Variants in KIF7 observed in about 807,000 individuals in gnomAD.
KIF7 encodes the protein kinesin-like protein KIF7.
A neutral mutation model predicts 135.7 loss-of-function variants in KIF7; 104 were observed. That is an observed-to-expected ratio of 0.77 (90% CI 0.65 to 0.90). The LOEUF (loss-of-function observed/expected upper bound fraction) is 0.90, where lower values mean the gene tolerates loss of function less well. Ranked by LOEUF, KIF7 falls within the 40% of genes least tolerant of loss-of-function variation. The probability of loss-of-function intolerance (pLI) is 0.00; values close to 1 mark genes in which losing one functional copy is unlikely to be tolerated. For synonymous variants in KIF7, 883 were observed against 809.4 expected, an observed-to-expected ratio of 1.09 and a Z score of -1.54; for missense variants, 2,005 against 1,839.1, an observed-to-expected ratio of 1.09 and a Z score of -1.65.
chr15:89,630,791 G>A (rs184102834), intron 15 of KIF7: 65 of 496,824 alleles, frequency 1.3e-4, no homozygotes, highest in Middle Eastern at 5.6e-4. Context: ...GGACAGCCAC[G>A]GAGGCACCAC....
chr15:89,631,396 A>C lies in KIF7; in HGVS notation c.3111+99T>G, dbSNP rs1427154674. On this transcript the variant is annotated intron_variant, in intron 15 of 18. Transcript: ENST00000394412. The stretch of plus-strand genomic sequence containing the variant: ...TGAAAACTTGGGTCTGCCGACAGCA[A>C]GGCCCAGCACCCGCAGAGGGCTGGA... 3.6e-6 allele frequency: 4 copies of C among 1,120,662 alleles called. No homozygotes were observed. The African/African-American group carries it at 6.2e-5, about 17-fold the overall frequency. 69.4% of individuals were successfully genotyped at this position (1,120,662 alleles called of 1,614,324 possible).
Position 89,645,074 on chromosome 15 carries a change from G to T in KIF7, c.2130C>A (p.Ile710=). 1 of 1,605,360 alleles carries T rather than the reference G, an allele frequency of 6.2e-7. No individual in the cohort carries two copies. The highest frequency in any genetic ancestry group is 8.5e-7 in the Non-Finnish European group (1 of 1,179,976). ...EWRLAQAQQK[I]RELAINIRMK... is the part of the protein sequence containing the mutation. ...TGCGGATGTTGATAGCCAGCTCCCGGATCTTCTGCTGGGCCTGGGCCAGCC... is the reference window on the plus strand; with the variant it reads ...TGCGGATGTTGATAGCCAGCTCCCGTATCTTCTGCTGGGCCTGGGCCAGCC... The change falls in exon 10 of 19, where the codon ATC becomes ATA. Residue 710 remains isoleucine (I), a synonymous_variant. Transcript: ENST00000394412.
rs1376314543 is a variant in KIF7 at position 89,645,367 on chromosome 15, C to G, written c.2007G>C (p.Glu669Asp). The G allele has an allele frequency of 3.1e-6, 5 of 1,614,130 alleles. No individual in the cohort carries two copies. Among genetic ancestry groups the G allele is most frequent in the Non-Finnish European group, 4.2e-6 (5 of 1,179,976 alleles). Residue 669 changes from glutamate to aspartate, a missense_variant, in exon 9 of 19, where the codon GAG (glutamate) becomes GAC (aspartate). Transcript: ENST00000394412. The part of the protein sequence containing the change: ...PERKGPELCL[E>D]ELDAAIPGSR... ...ACCCTGGAATGGCTGCATCCAACTC[C>G]TCAAGGCAAAGCTCTGGGCCCTTCC... is the stretch of plus-strand genomic sequence containing the variant.
chr15:89,649,296 C>G lies in KIF7; in HGVS notation c.601G>C (p.Ala201Pro). The change falls in exon 4 of 19, where the codon GCG becomes CCG. Residue 201 changes from alanine (A) to proline (P), a missense_variant. Physicochemically the swap from Ala to Pro is conservative, Grantham distance 27. Coordinates refer to ENST00000394412, the MANE Select transcript of KIF7 (RefSeq NM_198525.3). Reference protein sequence around the residue: ...EVLSLLEMGNAARHTGATHLN... With the variant: ...EVLSLLEMGNPARHTGATHLN... The stretch of plus-strand genomic sequence containing the variant: ...TGCGTGGCTCCCGTGTGCCGCGCCG[C>G]GTTGCCCATCTCCAGGAGGCTCAGC... 6.7e-7 allele frequency: 1 copy of G among 1,495,558 alleles called. No homozygotes were observed. Among genetic ancestry groups the G allele is most frequent in the South Asian group, 1.3e-5 (1 of 75,596 alleles). The allele number at this position is 1,495,558 out of a possible 1,614,324, so 92.6% of individuals were successfully genotyped here.
rs1401186589 is a variant in KIF7 at position 89,647,000 on chromosome 15, G to A, written c.1618C>T (p.Leu540=). The change falls in exon 7 of 19, where the codon CTG becomes TTG. Residue 540 remains leucine, a synonymous_variant. Coordinates refer to ENST00000394412, the MANE Select transcript of KIF7 (RefSeq NM_198525.3). ...GGGCCCCCCCAGCCTGGCCGCACCA[G>A]CTCTAACCGCAGCCGCAGTTCCACC... ...EMVELRLRLE[L]VRPGWGGPRL... is the part of the protein sequence containing the mutation. 20 of 1,612,458 alleles carry A rather than the reference G, an allele frequency of 1.2e-5. No homozygotes were observed. Among genetic ancestry groups the A allele is most frequent in the South Asian group, 2.2e-5 (2 of 90,978 alleles).
intron 16 of KIF7, chr15:89,630,000 A>T: frequency 1.8e-6 from 1 of 543,262 alleles, no homozygotes; most frequent in Non-Finnish European, 3.3e-6. Context: ...AGCCATGGCC[A>T]AATGTCACAA....
chr15:89,631,388 C>G, intron 15 of KIF7, 107 bp downstream of exon 15: 1 of 1,056,478 alleles, frequency 9.5e-7, no homozygotes, highest in South Asian at 1.6e-5. Flanking sequence ...TTGGGTCTGC[C>G]GACAGCAAGG....
intron 1 of KIF7, chr15:89,619,621 T>C (rs1963391499): frequency 1.4e-6 from 2 of 1,425,030 alleles, no homozygotes; most frequent in South Asian, 2.7e-5. Context: ...TGTGGTACTA[T>C]GTAAATTTTG....
chr15:89,640,591 T>C (rs79232057), intron 11 of KIF7, among the ~76,000 whole-genome samples: 3 of 151,792 alleles, frequency 2.0e-5, no homozygotes, highest in Admixed American at 1.3e-4. Flanking sequence ...TCTTGGACAT[T>C]TGAACTGAGA....
intron 1 of KIF7, among the ~76,000 whole-genome samples, chr15:89,655,160 A>G (rs966606340): frequency 2.0e-5 from 3 of 152,126 alleles, no homozygotes; most frequent in Non-Finnish European, 4.4e-5. Context: ...TCGCCCCTCC[A>G]CGCAGGCCCG....
chr15:89,636,876 A>G (rs1200012062), intron 11 of KIF7, among the ~76,000 whole-genome samples: 4 of 149,876 alleles, frequency 2.7e-5, no homozygotes, highest in Non-Finnish European at 5.9e-5. Flanking sequence ...CAGAATATAT[A>G]TTTTTTTCAG....
Position 89,633,683 on chromosome 15 carries a change from G to A in KIF7, c.2592+3C>T. Reference sequence around the variant, plus strand: ...AAGGTCCCCACCCTGCCGTGAGCCTGACCTTGACGCGGTGCTGCCGCTTGC... The same window carrying A: ...AAGGTCCCCACCCTGCCGTGAGCCTAACCTTGACGCGGTGCTGCCGCTTGC... On this transcript the variant is annotated splice_donor_region_variant and intron_variant, in intron 12 of 18. Coordinates refer to ENST00000394412, the MANE Select transcript of KIF7 (RefSeq NM_198525.3). 1 of 1,606,476 alleles carries A rather than the reference G, an allele frequency of 6.2e-7. No homozygotes were observed. The highest frequency in any genetic ancestry group is 8.5e-7 in the Non-Finnish European group (1 of 1,179,738).
intron 14 of KIF7, 50 bp from the exon 15 acceptor site, chr15:89,631,760 C>T (rs1433507533): frequency 1.7e-5 from 25 of 1,468,098 alleles, no homozygotes; most frequent in Non-Finnish European, 2.3e-5. Context: ...ACTGTCCTCA[C>T]AGGGGGGACA....
At chr15:89,646,740 G>T in intron 7 of KIF7, 90 bp downstream of exon 7, 1 of 1,155,942 alleles carries the variant, frequency 8.7e-7, no homozygotes, top group Non-Finnish European at 1.3e-6. Context: ...AGCATGAGTG[G>T]GGGACACGTG....
At chr15:89,631,430 TGAGGA>T in intron 15 of KIF7, 60 bp downstream of exon 15, 1 of 1,404,516 alleles carries the variant, frequency 7.1e-7, no homozygotes, top group Non-Finnish European at 9.7e-7. Context: ...GAGCAAGGGC[TGAGGA>T]GAGCAGACAG....
intron 10 of KIF7, 86 bp downstream of exon 10, chr15:89,644,927 A>G (rs1229188744): frequency 1.3e-6 from 2 of 1,552,798 alleles, no homozygotes; most frequent in African/African-American, 1.3e-5. Flanking sequence ...TAACCACCTC[A>G]TTGTTGAAAT....
chr15:89,651,884 A>G (rs557644643), intron 2 of KIF7, among the ~76,000 whole-genome samples: 14 of 152,222 alleles, frequency 9.2e-5, no homozygotes, highest in Non-Finnish European at 2.1e-4. Context: ...TATAAAAGAG[A>G]GCTGAGAGAG....
Position 89,621,747 on chromosome 15 carries a change from C to T in KIF7, c.181-3552G>A, listed in dbSNP as rs527963104. ...CAAGCAGCAGGTTTGACTGAAGCCA[C>T]GGTGGGGGCGGTGGAGGAGGAGATA... is the stretch of plus-strand genomic sequence containing the variant. On this transcript the variant is annotated intron_variant and NMD_transcript_variant, in intron 1 of 2. Coordinates refer to the KIF7 transcript ENST00000558928. 1.1e-4 allele frequency among the ~76,000 whole-genome samples: 17 copies of T among 152,158 alleles called. No homozygotes were observed. In the East Asian group the frequency reaches 1.6e-3, roughly 14 times the overall value.
chr15:89,646,421 A>G (rs1412279727), intron 7 of KIF7, among the ~76,000 whole-genome samples: 3 of 152,208 alleles, frequency 2.0e-5, no homozygotes, highest in African/African-American at 7.2e-5. Flanking sequence ...ACTTTCAGGC[A>G]GGAGTAACCT....
Sources: gnomAD v4.1 joint callset for allele counts (sites outside exome capture counted in the v4.1 genomes callset) on GRCh38, gnomAD v4.1.1 for gene constraint, MANE v1.5 for transcripts, NCBI Gene and HGNC (gene_info 2026-07-23, HGNC 2026-07-21) for gene names.